Variants in ANXA3 observed in about 807,000 individuals in gnomAD.
ANXA3 encodes annexin A3, also known as 35-alpha calcimedin.
Under a neutral mutation model 48.8 loss-of-function variants are expected in ANXA3, and 46 were observed. That is an observed-to-expected ratio of 0.94 (90% CI 0.74 to 1.21). The LOEUF (loss-of-function observed/expected upper bound fraction) is 1.21. Ranked by LOEUF, ANXA3 falls within the 50% of genes most tolerant of loss-of-function variation. The pLI is 0.00. For missense variants in ANXA3, 383 were observed against 378.6 expected (o/e 1.01, Z -0.10); for synonymous variants, 128 against 134.7 (o/e 0.95, Z 0.35).
intron 3 of ANXA3, among the ~76,000 whole-genome samples, chr4:78,574,230 C>A (rs1449591212): frequency 6.6e-6 from 1 of 152,042 alleles, no homozygotes; most frequent in Non-Finnish European, 1.5e-5. Context: ...ACCAGCCTGG[C>A]AATATAAGGA....
At chr4:78,560,413 T>C (rs1173916477) in intron 2 of ANXA3, among the ~76,000 whole-genome samples, 1 of 152,176 alleles carries the variant, frequency 6.6e-6, no homozygotes, top group Non-Finnish European at 1.5e-5. Flanking sequence ...GCTATCCTTA[T>C]GAATGCAAGT....
At chr4:78,593,952 G>A (rs1723361564) in intron 7 of ANXA3, among the ~76,000 whole-genome samples, 1 of 151,566 alleles carries the variant, frequency 6.6e-6, no homozygotes, top group African/African-American at 2.4e-5. Context: ...CACTCTTTCT[G>A]TGATATAGTT....
intron 12 of ANXA3, among the ~76,000 whole-genome samples, chr4:78,604,856 ATTGT>A (rs1164898036): frequency 1.3e-5 from 2 of 152,194 alleles, no homozygotes; most frequent in Non-Finnish European, 2.9e-5. Flanking sequence ...ATATCATTCC[ATTGT>A]TTGTATATTT....
At chr4:78,568,904 G>A (rs1278675693) in intron 2 of ANXA3, among the ~76,000 whole-genome samples, 2 of 152,234 alleles carry the variant, frequency 1.3e-5, no homozygotes, top group Non-Finnish European at 2.9e-5. Flanking sequence ...TAGGAGCAAA[G>A]ACTGTTGGAA....
intron 10 of ANXA3, among the ~76,000 whole-genome samples, chr4:78,599,321 T>A (rs984388880): frequency 3.0e-4 from 46 of 152,340 alleles, no homozygotes; most frequent in Admixed American, 1.3e-3. Flanking sequence ...TAATCATTAA[T>A]CTACTTTCTG....
chr4:78,576,900 C>T (rs1722967385), intron 3 of ANXA3, among the ~76,000 whole-genome samples: 2 of 152,108 alleles, frequency 1.3e-5, no homozygotes, highest in Admixed American at 1.3e-4. Flanking sequence ...AACTGCCAGG[C>T]ATACAAACTA....
Position 78,579,031 on chromosome 4 carries a change from T to A in ANXA3, c.108T>A (p.Thr36=), listed in dbSNP as rs199651167. The change falls in exon 4 of 13, where the codon ACT becomes ACA. Residue 36 remains threonine (T), a synonymous_variant. Transcript: ENST00000264908. The part of the protein sequence containing the change: ...AIQKAIRGIG[T]DEKMLISILT... ...AATAACTTTTGTTTCATTTAGGAAC[T>A]GATGAGAAAATGCTCATCAGCATTC... is the stretch of plus-strand genomic sequence containing the variant. The A allele has an allele frequency of 1.0e-5, 16 of 1,607,564 alleles. No individual in the cohort carries two copies. The South Asian group carries it at 1.4e-4, about 14-fold the overall frequency.
In ANXA3 at chr4:78,565,743, C is replaced by T. The variant is rs559916876; in HGVS notation, c.16-7437C>T. Reference sequence around the variant, plus strand: ...CTATAAAATCACGGTATTAATTGTACCTACCTCATAGGGTGGTTTTGAGGA... The same window carrying T: ...CTATAAAATCACGGTATTAATTGTATCTACCTCATAGGGTGGTTTTGAGGA... On this transcript the variant is annotated intron_variant, in intron 2 of 12. Transcript: ENST00000264908. 2.6e-5 allele frequency among the ~76,000 whole-genome samples: 4 copies of T among 152,190 alleles called. No individual in the cohort carries two copies. In the South Asian group the frequency reaches 8.3e-4, roughly 32 times the overall value.
intron 6 of ANXA3, among the ~76,000 whole-genome samples, chr4:78,591,145 T>C (rs1230892277): frequency 6.6e-6 from 1 of 152,184 alleles, no homozygotes; most frequent in Non-Finnish European, 1.5e-5. Flanking sequence ...GCTGAGAAAG[T>C]AGTTTTTAAG....
At chr4:78,600,439 G>A (rs908863512) in intron 10 of ANXA3, among the ~76,000 whole-genome samples, 13 of 152,142 alleles carry the variant, frequency 8.5e-5, no homozygotes, top group African/African-American at 3.1e-4. Context: ...GAGGTGACTG[G>A]AAAGCTTAAT....
chr4:78,592,729 A>G (rs1044726225), intron 7 of ANXA3, among the ~76,000 whole-genome samples: 1 of 152,168 alleles, frequency 6.6e-6, no homozygotes, highest in Non-Finnish European at 1.5e-5. Flanking sequence ...TAACAATAAC[A>G]AGTACTCATA....
Position 78,595,882 on chromosome 4 carries a change from A to T in ANXA3, c.629A>T (p.Lys210Ile). 2 of 1,587,504 alleles carry T rather than the reference A, an allele frequency of 1.3e-6. No individual in the cohort carries two copies. The highest frequency in any genetic ancestry group is 2.2e-5 in the South Asian group (2 of 90,390). ...ILCLRSFPQL[K>I]LTFDEYRNIS... Reference sequence around the variant, plus strand: ...TGTTTAAGGAGCTTTCCTCAATTAAAACTAAGTACAAACTCACATTACAAT... The same window carrying T: ...TGTTTAAGGAGCTTTCCTCAATTAATACTAAGTACAAACTCACATTACAAT... Residue 210 changes from lysine (K) to isoleucine (I), a missense_variant, in exon 9 of 13, where the codon AAA becomes ATA. Lys to Ile is a moderately radical substitution (Grantham distance 102). Transcript: ENST00000264908.
intron 2 of ANXA3, among the ~76,000 whole-genome samples, chr4:78,566,417 T>G (rs1169155179): frequency 6.9e-6 from 1 of 145,316 alleles, no homozygotes; most frequent in Non-Finnish European, 1.5e-5. Flanking sequence ...CAACAGAGGA[T>G]TGAATTAAGA....
intron 12 of ANXA3, among the ~76,000 whole-genome samples, chr4:78,608,275 T>C (rs1723692690): frequency 6.6e-6 from 1 of 152,068 alleles, no homozygotes; most frequent in African/African-American, 2.4e-5. Flanking sequence ...GATTCAGATC[T>C]GGAAAATAAG....
chr4:78,561,397 T>C (rs192601626), intron 2 of ANXA3, among the ~76,000 whole-genome samples: 146 of 152,170 alleles, frequency 9.6e-4, no homozygotes, highest in African/African-American at 3.3e-3. Flanking sequence ...AGAGAGAAAT[T>C]TGGGAAGATA....
chr4:78,577,868 CT>C (rs1722987615), intron 3 of ANXA3, among the ~76,000 whole-genome samples: 1 of 152,192 alleles, frequency 6.6e-6, no homozygotes, highest in Non-Finnish European at 1.5e-5. Flanking sequence ...GTTTTTCTTA[CT>C]ACTGTAGTCA....
At chr4:78,603,523 C>T (rs1166723641) in intron 11 of ANXA3, 3 of 152,226 alleles carry the variant, frequency 2.0e-5, no homozygotes, top group Non-Finnish European at 4.4e-5. Context: ...TACTCAGTCT[C>T]CTCAAGATGA....
At position 78,554,440 on chromosome 4, in the gene ANXA3, G is replaced by C. The variant is rs760118240; in HGVS notation, c.-34G>C. The C allele has an allele frequency of 1.9e-6, 3 of 1,603,734 alleles. No individual in the cohort carries two copies. Among genetic ancestry groups the C allele is most frequent in the African/African-American group, 2.7e-5 (2 of 74,862 alleles). ...CTAATTGTTTTCTTTTAATAGATTA[G>C]TGTGATCTCAGCTCAAGGCAAAGGT... is the stretch of plus-strand genomic sequence containing the variant. On this transcript the variant is annotated 5_prime_UTR_variant, in exon 2 of 13. Coordinates refer to ENST00000264908, the MANE Select transcript of ANXA3 (RefSeq NM_005139.3).
chr4:78,582,121 T>G, intron 4 of ANXA3, 56 bp from the exon 5 acceptor site: 1 of 1,187,704 alleles, frequency 8.4e-7, no homozygotes, highest in Non-Finnish European at 1.2e-6. Context: ...CTAGGTGACT[T>G]TAGAGAAAGA....
Sources: allele counts gnomAD v4.1 joint callset (sites outside exome capture counted in the v4.1 genomes callset), GRCh38; gene constraint gnomAD v4.1.1; transcripts MANE v1.5; gene names NCBI Gene and HGNC (gene_info 2026-07-23, HGNC 2026-07-21).